The following CDCA7 variants were observed in gnomAD, a reference collection of about 807,000 sequenced individuals.
CDCA7 encodes cell division cycle associated 7.
CDCA7 carries 28 observed loss-of-function variants against 54.0 expected under a neutral mutation model. The ratio of observed to expected loss-of-function variants is 0.52; its 90% CI spans 0.38 to 0.71. The LOEUF is 0.71. Ranked by LOEUF, CDCA7 falls within the 30% of genes least tolerant of loss-of-function variation. The pLI is 0.00. For missense variants in CDCA7, 484 were observed against 586.0 expected (o/e 0.83, Z 1.80); for synonymous variants, 180 against 208.2 (o/e 0.86, Z 1.16).
intron 3 of CDCA7, among the ~76,000 whole-genome samples, chr2:173,362,510 T>C (rs1420088596): frequency 6.6e-6 from 1 of 151,916 alleles, no homozygotes; most frequent in Non-Finnish European, 1.5e-5. Context: ...AGAATTGAGA[T>C]CTGTTAATAT....
At chr2:173,355,073 C>T in intron 1 of CDCA7, 89 bp downstream of exon 1, 1 of 1,234,326 alleles carries the variant, frequency 8.1e-7, no homozygotes, top group South Asian at 3.1e-5. Context: ...ACTCCGCAGC[C>T]TAGCGCTGCC....
intron 1 of CDCA7, among the ~76,000 whole-genome samples, chr2:173,356,942 C>G (rs1256027986): frequency 2.0e-5 from 3 of 152,222 alleles, no homozygotes; most frequent in Non-Finnish European, 4.4e-5. Flanking sequence ...GTGCCATCAT[C>G]ATGAAAATAA....
intron 3 of CDCA7, among the ~76,000 whole-genome samples, chr2:173,360,276 C>T (rs1326475830): frequency 6.6e-6 from 1 of 152,170 alleles, no homozygotes; most frequent in East Asian, 1.9e-4. Context: ...GAGTTTGTTG[C>T]AGGGGGTCCA....
At chr2:173,364,732 C>A (rs1686686113) in intron 5 of CDCA7, 63 bp from the exon 6 acceptor site, 1 of 1,530,182 alleles carries the variant, frequency 6.5e-7, no homozygotes, top group South Asian at 1.3e-5. Context: ...GCTATGAATT[C>A]CCCAAAGTAC....
intron 3 of CDCA7, 37 bp downstream of exon 3, chr2:173,359,528 A>G: frequency 6.4e-7 from 1 of 1,550,722 alleles, no homozygotes; most frequent in Non-Finnish European, 8.9e-7. Context: ...AAGAAGTAAG[A>G]TACATTTAGA....
At position 173,364,923 on chromosome 2, in the gene CDCA7, G is replaced by A. The variant is rs1456436575; in HGVS notation, c.828G>A (p.Glu276=). The A allele has an allele frequency of 6.2e-7, 1 of 1,608,782 alleles. No homozygotes were observed. Among genetic ancestry groups the A allele is most frequent in the Non-Finnish European group, 8.5e-7 (1 of 1,178,384 alleles). The change falls in exon 6 of 10, where the codon GAG becomes GAA. Residue 276 remains glutamate (E), a synonymous_variant. Coordinates refer to ENST00000306721, the MANE Select transcript of CDCA7 (RefSeq NM_031942.5). ...ILGSLDALPM[E]EEEEEDKYML... ...GGTCCCTTGACGCTCTACCCATGGA[G>A]GAGGAGGAGGAAGAGGATAAGTACA...
At position 173,368,579 on chromosome 2, in the gene CDCA7, A is replaced by G. The variant is rs1209599152; in HGVS notation, c.*915A>G. The G allele has an allele frequency of 6.6e-6, 1 of 152,230 alleles. No individual in the cohort carries two copies. Among genetic ancestry groups the G allele is most frequent in the Non-Finnish European group, 1.5e-5 (1 of 68,040 alleles). 9.4% of individuals were successfully genotyped at this position (152,230 alleles called of 1,614,324 possible). On this transcript the variant is annotated 3_prime_UTR_variant, in exon 10 of 10. Transcript: ENST00000306721. ...TAAACCAGGCACAAGGTTCAAGTTT[A>G]GATTTTAAGCACTTTTATAACAATG...
chr2:173,355,021 G>C (rs553062563), intron 1 of CDCA7, 37 bp downstream of exon 1: 18 of 1,360,166 alleles, frequency 1.3e-5, no homozygotes, highest in Non-Finnish European at 1.6e-5. Flanking sequence ...GGGCGGGCGC[G>C]GTGGGTGCTG....
At chr2:173,364,669 CAAAGAA>C (rs1686685216) in intron 5 of CDCA7, 120 bp from the exon 6 acceptor site, 3 of 1,397,434 alleles carry the variant, frequency 2.1e-6, no homozygotes, top group Admixed American at 3.4e-5. Context: ...ATGCAAAGGA[CAAAGAA>C]AAAGAAAAAA....
At chr2:173,364,196 G>T in intron 5 of CDCA7, 1 of 261,736 alleles carries the variant, frequency 3.8e-6, no homozygotes, top group Non-Finnish European at 7.2e-6. Context: ...CTGTTCTCCA[G>T]TGTGAGCACA....
chr2:173,358,541 AG>A (rs1343534752), intron 1 of CDCA7, 170 bp from the exon 2 acceptor site: 2 of 636,518 alleles, frequency 3.1e-6, no homozygotes, highest in Non-Finnish European at 5.0e-6. Flanking sequence ...TACAAAAAAA[AG>A]AAAGAAAAAA....
rs1229855545 is a variant in CDCA7, at chr2:173,368,050, C to CT, written c.*387dup. The CT allele has an allele frequency of 1.5e-5, 3 of 196,524 alleles. No homozygotes were observed. Among genetic ancestry groups the CT allele is most frequent in the African/African-American group, 7.0e-5 (3 of 42,962 alleles). 12.2% of individuals were successfully genotyped at this position (196,524 alleles called of 1,614,324 possible). A position where few individuals can be genotyped will look rare whatever the true frequency, so the allele number is the denominator to read the frequency against. The stretch of plus-strand genomic sequence containing the variant: ...GAAACACAATAATAGTATTAACTAA[C>CT]TAGATCTATTGAATTTCAGAGAAGA... On this transcript the variant is annotated 3_prime_UTR_variant, in exon 10 of 10. Coordinates refer to ENST00000306721, the MANE Select transcript of CDCA7 (RefSeq NM_031942.5).
intron 6 of CDCA7, 56 bp from the exon 7 acceptor site, chr2:173,365,393 TGAA>T: frequency 2.6e-6 from 4 of 1,544,092 alleles, no homozygotes; most frequent in Admixed American, 1.9e-5. Context: ...TTTTCAGTTT[TGAA>T]TCTCTTTCAG....
rs1686653280 is a variant in CDCA7 at position 173,363,095 on chromosome 2, T to C, written c.385-131T>C. 7.0e-5 allele frequency: 60 copies of C among 854,410 alleles called. No individual in the cohort carries two copies. In the South Asian group the frequency reaches 9.2e-4, roughly 13 times the overall value. The allele number at this position is 854,410 out of a possible 1,614,324, so 52.9% of individuals were successfully genotyped here. ...ATGTACTCTTTGTGGTTCCTGATTT[T>C]GTTACCCAGAGGTATCAATGTTCAG... On this transcript the variant is annotated intron_variant, in intron 3 of 9. Coordinates refer to ENST00000306721, the MANE Select transcript of CDCA7 (RefSeq NM_031942.5).
chr2:173,367,799 TAGCAG>T lies in CDCA7; in HGVS notation c.*137_*141del. 1.1e-6 allele frequency: 1 copy of T among 950,022 alleles called. No individual in the cohort carries two copies. The highest frequency in any genetic ancestry group is 1.7e-6 in the Non-Finnish European group (1 of 589,346). 58.8% of individuals were successfully genotyped at this position (950,022 alleles called of 1,614,324 possible). A position where few individuals can be genotyped will look rare whatever the true frequency, so the allele number is the denominator to read the frequency against. The stretch of plus-strand genomic sequence containing the variant: ...TAAGAAACTCCAATCAAGTTAATCT[TAGCAG>T]ACATGTGTTTCTGGAGCATCACAGA... On this transcript the variant is annotated 3_prime_UTR_variant, in exon 10 of 10. Transcript: ENST00000306721.
rs765355789 is a variant in CDCA7, at chr2:173,363,430, A to C, written c.589A>C (p.Arg197=). 8 of 1,614,078 alleles carry C rather than the reference A, an allele frequency of 5.0e-6. 1 individual carries two copies. In the Admixed American group the frequency reaches 1.2e-4, roughly 24 times the overall value. The change falls in exon 4 of 10, where the codon AGG becomes CGG. Residue 197 remains arginine (R), a synonymous_variant. Transcript: ENST00000306721. ...DESGMNFLEK[R]ALNIKQNKAM... ...AAGTGGAATGAATTTTTTGGAGAAA[A>C]GGGCTTTAAATATAAAGCAAAACAA... is the stretch of plus-strand genomic sequence containing the variant.
chr2:173,358,663 T>TAA (rs1553476354), intron 1 of CDCA7, 49 bp from the exon 2 acceptor site: 1 of 1,585,040 alleles, frequency 6.3e-7, no homozygotes, highest in Non-Finnish European at 8.6e-7. Context: ...TGTCTTTAGT[T>TAA]AAATAAAGTA....
rs760857158 is a variant in CDCA7 at position 173,366,423 on chromosome 2, G to C, written c.1176G>C (p.Leu392=). The C allele has an allele frequency of 6.2e-7, 1 of 1,614,066 alleles. No individual in the cohort carries two copies. The change falls in exon 8 of 10, where the codon CTG becomes CTC. Residue 392 remains leucine (L), a synonymous_variant. Transcript: ENST00000306721. The surrounding 1 kb of genome is among the most constrained non-coding windows in gnomAD (Gnocchi z 4.5). ...ATGGTGAAGAGGTCAGGGATGCTCT[G>C]CTGGATCCGGTAGGTGCCTGCCAGG... is the stretch of plus-strand genomic sequence containing the variant. ...NRYGEEVRDA[L]LDPNWHCPPC... is the part of the protein sequence containing the mutation.
intron 6 of CDCA7, 25 bp from the exon 7 acceptor site, chr2:173,365,427 G>T: frequency 1.3e-6 from 2 of 1,571,158 alleles, no homozygotes; most frequent in Non-Finnish European, 1.7e-6. Context: ...TTGAAGTTCT[G>T]TGTTTTGTAT....
Sources: gnomAD v4.1 joint callset for allele counts (sites outside exome capture counted in the v4.1 genomes callset) on GRCh38, gnomAD v4.1.1 for gene constraint, Gnocchi (gnomAD v3.1) non-coding constraint, MANE v1.5 for transcripts, NCBI Gene and HGNC (gene_info 2026-07-23, HGNC 2026-07-21) for gene names.